The following RUFY2 variants were observed in gnomAD, a reference collection of about 807,000 sequenced individuals.
RUFY2 encodes RUN and FYVE domain-containing protein 2.
A neutral mutation model predicts 94.4 loss-of-function variants in RUFY2; 49 were observed. The ratio of observed to expected loss-of-function variants is 0.52; its 90% CI spans 0.41 to 0.66. The LOEUF (loss-of-function observed/expected upper bound fraction) is 0.66. RUFY2 is among the 30% of genes least tolerant of loss of function. RUFY2 has a pLI of 0.00. For missense variants in RUFY2, 541 were observed against 692.8 expected, an observed-to-expected ratio of 0.78 and a Z score of 2.46; for synonymous variants, 255 against 235.7, an observed-to-expected ratio of 1.08 and a Z score of -0.75.
chr10:68,363,229 G>C (rs1365815117), intron 15 of RUFY2, among the ~76,000 whole-genome samples: 1 of 151,964 alleles, frequency 6.6e-6, no homozygotes, highest in African/African-American at 2.4e-5. Flanking sequence ...GTCTTGCTTT[G>C]TCGCCAGGCT....
At chr10:68,355,586 A>C in intron 15 of RUFY2, 185 bp from the exon 16 acceptor site, 4 of 444,618 alleles carry the variant, frequency 9.0e-6, no homozygotes, top group Admixed American at 4.2e-5. Context: ...CTAAAGCAAA[A>C]ATATTTTAGA....
chr10:68,362,901 C>T (rs970052132), intron 15 of RUFY2, among the ~76,000 whole-genome samples: 1 of 152,206 alleles, frequency 6.6e-6, no homozygotes, highest in Non-Finnish European at 1.5e-5. Flanking sequence ...GCCCTGTCTC[C>T]AGGAGGCATG....
At chr10:68,374,399 C>CA (rs1040334394) in intron 13 of RUFY2, among the ~76,000 whole-genome samples, 3 of 150,394 alleles carry the variant, frequency 2.0e-5, no homozygotes, top group African/African-American at 4.9e-5. Flanking sequence ...AACTTCAGAG[C>CA]AAAAAAAAAT....
At chr10:68,391,969 A>AAAACAAACAAAC (rs770942164) in intron 7 of RUFY2, among the ~76,000 whole-genome samples, 2 of 151,978 alleles carry the variant, frequency 1.3e-5, no homozygotes, top group African/African-American at 4.8e-5. Flanking sequence ...CTGTCTCAAA[A>AAAACAAACAAAC]AAACAAACAA....
At chr10:68,370,907 T>C (rs1437840387) in intron 13 of RUFY2, among the ~76,000 whole-genome samples, 3 of 149,036 alleles carry the variant, frequency 2.0e-5, no homozygotes, top group Middle Eastern at 3.5e-3. Flanking sequence ...CCAAGGTGGG[T>C]GGGTCACAAG....
chr10:68,365,941 A>C (rs149596581), intron 13 of RUFY2, among the ~76,000 whole-genome samples: 2 of 152,212 alleles, frequency 1.3e-5, no homozygotes, highest in African/African-American at 4.8e-5. Context: ...AAAAAAGTGA[A>C]TGAAAAAGCA....
At chr10:68,367,122 T>G (rs1384096164) in intron 13 of RUFY2, among the ~76,000 whole-genome samples, 5 of 151,568 alleles carry the variant, frequency 3.3e-5, no homozygotes, top group Non-Finnish European at 1.5e-5. Flanking sequence ...GAGCTGAGAT[T>G]GCGCCACTGC....
At chr10:68,400,243 G>C (rs2050709970) in intron 3 of RUFY2, among the ~76,000 whole-genome samples, 1 of 152,054 alleles carries the variant, frequency 6.6e-6, no homozygotes, top group African/African-American at 2.4e-5. Flanking sequence ...TTGAACCTGG[G>C]AGGCAGAGGT....
chr10:68,377,882 A>G, intron 12 of RUFY2: 1 of 985,366 alleles, frequency 1.0e-6, no homozygotes, highest in Non-Finnish European at 1.2e-6. Flanking sequence ...ATACCAATGG[A>G]GCAACCCTCA....
At chr10:68,401,528 A>G (rs1016103370) in intron 3 of RUFY2, 92 bp downstream of exon 3, 31 of 744,772 alleles carry the variant, frequency 4.2e-5, no homozygotes, top group Non-Finnish European at 7.2e-5. Context: ...CTTAAGACTA[A>G]GAGAAGACAA....
At chr10:68,366,330 CAA>C (rs374353912) in intron 13 of RUFY2, among the ~76,000 whole-genome samples, 7 of 55,440 alleles carry the variant, frequency 1.3e-4, no homozygotes, top group Admixed American at 7.1e-4. Context: ...AACTCCATCT[CAA>C]AAAAAAAAAA....
At chr10:68,351,824 A>G (rs548404461) in intron 16 of RUFY2, among the ~76,000 whole-genome samples, 1 of 151,196 alleles carries the variant, frequency 6.6e-6, no homozygotes, top group South Asian at 2.1e-4. Context: ...TGGGAGGCTG[A>G]GATGGGCAGA....
chr10:68,378,080 C>A, intron 12 of RUFY2: 1 of 985,428 alleles, frequency 1.0e-6, no homozygotes, highest in South Asian at 4.7e-5. Context: ...CAGAAGAGGG[C>A]AAGGGAGAAC....
At chr10:68,362,372 A>G (rs1036876287) in intron 15 of RUFY2, among the ~76,000 whole-genome samples, 1 of 152,112 alleles carries the variant, frequency 6.6e-6, no homozygotes, top group Non-Finnish European at 1.5e-5. Context: ...AAACGACTAT[A>G]TATTTTAAAT....
intron 6 of RUFY2, among the ~76,000 whole-genome samples, chr10:68,393,600 G>A (rs915136823): frequency 1.3e-5 from 2 of 151,894 alleles, no homozygotes; most frequent in African/African-American, 2.4e-5. Context: ...ATGGTGGCGG[G>A]TGCCTGTAAT....
At chr10:68,351,122 ATTTTTTTTTTTTT>A (rs71009048) in intron 16 of RUFY2, among the ~76,000 whole-genome samples, 1 of 79,000 alleles carries the variant, frequency 1.3e-5, no homozygotes. Flanking sequence ...GTATCCATAC[ATTTTTTTTTTTTT>A]TTTTTTTTTT....
chr10:68,366,930 G>C (rs886463774), intron 13 of RUFY2, among the ~76,000 whole-genome samples: 18 of 146,780 alleles, frequency 1.2e-4, no homozygotes, highest in African/African-American at 3.8e-4. Context: ...AGCACTTTCA[G>C]AGGCCGAGGC....
intron 1 of RUFY2, chr10:68,405,685 A>C (rs1217759774): frequency 1.0e-6 from 1 of 981,800 alleles, no homozygotes; most frequent in African/African-American, 1.8e-5. Flanking sequence ...GGGACACAGA[A>C]GAAGCCGTCC....
intron 13 of RUFY2, among the ~76,000 whole-genome samples, chr10:68,371,916 C>A (rs2048308470): frequency 6.6e-6 from 1 of 152,220 alleles, no homozygotes; most frequent in Non-Finnish European, 1.5e-5. Flanking sequence ...GAACTGCCAA[C>A]CCAGAATTCT....
Sources: gnomAD v4.1 joint callset for allele counts (sites outside exome capture counted in the v4.1 genomes callset) on GRCh38, gnomAD v4.1.1 for gene constraint, MANE v1.5 for transcripts, NCBI Gene and HGNC (gene_info 2026-07-23, HGNC 2026-07-21) for gene names.